TMCC1: variants seen among roughly 807,000 people sequenced by gnomAD.
TMCC1 encodes the protein transmembrane and coiled-coil domains protein 1.
TMCC1 carries 15 observed loss-of-function variants against 52.4 expected under a neutral mutation model. The observed-to-expected ratio is 0.29, with a 90% CI of 0.19 to 0.44. The LOEUF (loss-of-function observed/expected upper bound fraction) is 0.44. Among genes scored for constraint, TMCC1 ranks in the 20% least tolerant of loss-of-function variants. The pLI, the probability that TMCC1 is intolerant of heterozygous loss-of-function variation, is 1.00. For synonymous variants in TMCC1, 279 were observed against 301.9 expected, an observed-to-expected ratio of 0.92 and a Z score of 0.79; for missense variants, 503 against 806.0, an observed-to-expected ratio of 0.62 and a Z score of 4.55.
At chr3:129,693,645 C>T (rs192247131) in intron 4 of TMCC1, among the ~76,000 whole-genome samples, 156 of 151,942 alleles carry the variant, frequency 1.0e-3, no homozygotes, top group African/African-American at 3.4e-3. Flanking sequence ...ACACTGTGCC[C>T]ATCCCATGTT....
chr3:129,761,952 T>C lies in TMCC1; in HGVS notation c.576+65851A>G, dbSNP rs978828390. Among the ~76,000 whole-genome samples the C allele has an allele frequency of 3.4e-4, 44 of 130,962 alleles. No homozygotes were observed. The Admixed American group carries it at 3.5e-3, about 11-fold the overall frequency. The allele number at this position is 130,962 out of a possible 152,430, so 85.9% of individuals were successfully genotyped here. A position where few individuals can be genotyped will look rare whatever the true frequency, so the allele number is the denominator to read the frequency against. Reference sequence around the variant, plus strand: ...GTTGCAGTAAGCCGAGATCGTGCCATTGCACTCCAGCCTGGGTGACAGAGC... The same window carrying C: ...GTTGCAGTAAGCCGAGATCGTGCCACTGCACTCCAGCCTGGGTGACAGAGC... On this transcript the variant is annotated intron_variant, in intron 4 of 6. Transcript: ENST00000393238.
At chr3:129,881,625 A>C (rs990855141) in intron 1 of TMCC1, among the ~76,000 whole-genome samples, 47 of 152,296 alleles carry the variant, frequency 3.1e-4, no homozygotes, top group Non-Finnish European at 5.7e-4. Flanking sequence ...CAGAACAAGA[A>C]ATCTGTTATA....
At chr3:129,741,578 T>C (rs1197931860) in intron 4 of TMCC1, among the ~76,000 whole-genome samples, 3 of 152,188 alleles carry the variant, frequency 2.0e-5, no homozygotes, top group African/African-American at 7.2e-5. Context: ...ACTGAGTTAA[T>C]TGTCTCTAAT....
At chr3:129,771,046 T>A (rs1363077618) in intron 4 of TMCC1, among the ~76,000 whole-genome samples, 2 of 152,186 alleles carry the variant, frequency 1.3e-5, no homozygotes. Context: ...AGCATCAAAA[T>A]CCCTGAATCC....
chr3:129,725,209 G>A (rs2049979773), intron 4 of TMCC1, among the ~76,000 whole-genome samples: 1 of 152,100 alleles, frequency 6.6e-6, no homozygotes, highest in South Asian at 2.1e-4. Context: ...CGCCTCCTGG[G>A]CTCAGGTGAT....
At chr3:129,889,043 G>A (rs1449026087) in intron 1 of TMCC1, among the ~76,000 whole-genome samples, 1 of 152,170 alleles carries the variant, frequency 6.6e-6, no homozygotes, top group African/African-American at 2.4e-5. Context: ...AAGCTGAGGA[G>A]GGTGGATTGC....
intron 4 of TMCC1, among the ~76,000 whole-genome samples, chr3:129,685,596 G>A (rs185237555): frequency 1.3e-5 from 2 of 152,238 alleles, no homozygotes; most frequent in Admixed American, 6.5e-5. Context: ...AATGGCTGAC[G>A]AGGCTGTAAA....
intron 4 of TMCC1, among the ~76,000 whole-genome samples, chr3:129,827,330 T>C (rs898450317): frequency 6.6e-6 from 1 of 152,226 alleles, no homozygotes; most frequent in South Asian, 2.1e-4. Flanking sequence ...GCATGCAAAA[T>C]GTAAAATGAA....
chr3:129,760,949 T>C (rs912238383), intron 4 of TMCC1, among the ~76,000 whole-genome samples: 3 of 152,054 alleles, frequency 2.0e-5, no homozygotes, highest in African/African-American at 7.2e-5. Flanking sequence ...TTAGAGTTCA[T>C]TCTTTGTGTT....
rs186159604 is a variant in TMCC1 at position 129,649,148 on chromosome 3, G to C, written c.*2333C>G. 1 of 152,314 alleles carries C rather than the reference G, an allele frequency of 6.6e-6. No individual in the cohort carries two copies. The highest frequency in any genetic ancestry group is 6.5e-5 in the Admixed American group (1 of 15,300). The allele number at this position is 152,314 out of a possible 1,614,324, so 9.4% of individuals were successfully genotyped here. ...GACTTCCAGTGCCCACAAAACTTAAGTCTTCAGGCAGTTTGGGGGACTCAA... is the reference window on the plus strand; with the variant it reads ...GACTTCCAGTGCCCACAAAACTTAACTCTTCAGGCAGTTTGGGGGACTCAA... On this transcript the variant is annotated 3_prime_UTR_variant, in exon 7 of 7. Coordinates refer to ENST00000393238, the MANE Select transcript of TMCC1 (RefSeq NM_001017395.5).
At chr3:129,784,578 A>T (rs1213405851) in intron 4 of TMCC1, among the ~76,000 whole-genome samples, 7 of 151,444 alleles carry the variant, frequency 4.6e-5, no homozygotes, top group African/African-American at 1.7e-4. Context: ...AAAAAAAAAA[A>T]TTATAAAAAT....
intron 2 of TMCC1, among the ~76,000 whole-genome samples, chr3:129,876,434 T>A (rs892074656): frequency 2.6e-5 from 4 of 151,970 alleles, no homozygotes; most frequent in African/African-American, 9.7e-5. Context: ...TCCTAGCCAA[T>A]CCTTACATTT....
chr3:129,673,401 T>C (rs1223190951), intron 4 of TMCC1, among the ~76,000 whole-genome samples: 1 of 152,214 alleles, frequency 6.6e-6, no homozygotes, highest in Non-Finnish European at 1.5e-5. Flanking sequence ...GTATTTATGT[T>C]TAATAATTAA....
At chr3:129,717,092 T>G (rs1230761414) in intron 4 of TMCC1, among the ~76,000 whole-genome samples, 1 of 152,240 alleles carries the variant, frequency 6.6e-6, no homozygotes, top group Non-Finnish European at 1.5e-5. Context: ...CTTCACCAGT[T>G]ACTTCCCCAG....
At chr3:129,759,351 T>C (rs1300606681) in intron 4 of TMCC1, among the ~76,000 whole-genome samples, 6 of 150,748 alleles carry the variant, frequency 4.0e-5, no homozygotes, top group Non-Finnish European at 5.9e-5. Flanking sequence ...CACTGCAACC[T>C]GGGCCTCCTG....
intron 4 of TMCC1, among the ~76,000 whole-genome samples, chr3:129,786,403 C>CA (rs1326962124): frequency 3.3e-5 from 5 of 152,106 alleles, no homozygotes; most frequent in Non-Finnish European, 7.4e-5. Flanking sequence ...GAGTATGCAC[C>CA]AGACTGGTGA....
At chr3:129,859,471 T>C (rs1273306558) in intron 2 of TMCC1, among the ~76,000 whole-genome samples, 1 of 151,916 alleles carries the variant, frequency 6.6e-6, no homozygotes, top group African/African-American at 2.4e-5. Context: ...ACCCCATCTC[T>C]ATGAAGAATA....
chr3:129,849,729 G>A (rs908200165), intron 2 of TMCC1, among the ~76,000 whole-genome samples: 10 of 150,958 alleles, frequency 6.6e-5, no homozygotes, highest in Non-Finnish European at 1.0e-4. Flanking sequence ...TCACACCACC[G>A]CACTACAGCT....
intron 2 of TMCC1, among the ~76,000 whole-genome samples, chr3:129,861,667 T>A (rs1479055880): frequency 6.6e-6 from 1 of 152,170 alleles, no homozygotes; most frequent in African/African-American, 2.4e-5. Context: ...AAAACCACAA[T>A]GAGGTACCAT....
Sources: gnomAD v4.1 joint callset for allele counts (sites outside exome capture counted in the v4.1 genomes callset) on GRCh38, gnomAD v4.1.1 for gene constraint, MANE v1.5 for transcripts, NCBI Gene and HGNC (gene_info 2026-07-23, HGNC 2026-07-21) for gene names.